TRIQK: variants seen among roughly 807,000 people sequenced by gnomAD.
TRIQK encodes the protein triple QxxK/R motif-containing protein.
In TRIQK, 10 loss-of-function variants were observed where a neutral mutation model predicts 10.8. The ratio of observed to expected loss-of-function variants is 0.92; its 90% CI spans 0.57 to 1.57. The LOEUF is 1.57. Ranked by LOEUF, TRIQK falls within the 40% of genes most tolerant of loss-of-function variation. The pLI, the probability that TRIQK is intolerant of heterozygous loss-of-function variation, is 0.00. For synonymous variants in TRIQK, 33 were observed against 33.7 expected (o/e 0.98, Z 0.07); for missense variants, 107 against 97.7 (o/e 1.09, Z -0.40).
intron 1 of TRIQK, among the ~76,000 whole-genome samples, chr8:92,962,596 C>A (rs1812515964): frequency 6.6e-6 from 1 of 152,122 alleles, no homozygotes. Flanking sequence ...GAGGTGTCAC[C>A]CAGAATGGAA....
chr8:92,995,061 G>A (rs1813139661), intron 1 of TRIQK, among the ~76,000 whole-genome samples: 1 of 151,922 alleles, frequency 6.6e-6, no homozygotes, highest in African/African-American at 2.4e-5. Context: ...TTTATGGAGG[G>A]ATCTGGTTTA....
intron 1 of TRIQK, among the ~76,000 whole-genome samples, chr8:92,962,894 G>A (rs1056492342): frequency 1.3e-5 from 2 of 152,190 alleles, no homozygotes; most frequent in African/African-American, 2.4e-5. Context: ...GAGAGTAGGA[G>A]TAAAAGGGGA....
intron 3 of TRIQK, among the ~76,000 whole-genome samples, chr8:92,901,168 A>G (rs1808915257): frequency 6.6e-6 from 1 of 152,092 alleles, no homozygotes; most frequent in East Asian, 1.9e-4. Context: ...TGTTTTTTCC[A>G]AATATAAGAC....
chr8:93,014,061 A>G (rs1813360741), intron 1 of TRIQK, among the ~76,000 whole-genome samples: 1 of 152,182 alleles, frequency 6.6e-6, no homozygotes, highest in African/African-American at 2.4e-5. Context: ...ACAGGCTACA[A>G]TTATACATAA....
intron 1 of TRIQK, chr8:92,973,778 C>A (rs963377759): frequency 1.3e-5 from 2 of 152,128 alleles, no homozygotes; most frequent in Non-Finnish European, 2.9e-5. Flanking sequence ...CAGTACATTC[C>A]GGTCTAGTAC....
intron 2 of TRIQK, among the ~76,000 whole-genome samples, chr8:92,925,238 C>G (rs1219941067): frequency 6.6e-6 from 1 of 151,972 alleles, no homozygotes; most frequent in Non-Finnish European, 1.5e-5. Context: ...TCATATCATA[C>G]ACAAAAATTA....
chr8:92,888,994 CTT>C (rs1816624616), intron 4 of TRIQK, among the ~76,000 whole-genome samples: 1 of 151,568 alleles, frequency 6.6e-6, no homozygotes, highest in Admixed American at 6.6e-5. Context: ...AAATAGCAAA[CTT>C]AGTTGTGCAA....
intron 1 of TRIQK, chr8:92,963,561 G>A (rs1200748396): frequency 1.3e-5 from 2 of 151,694 alleles, no homozygotes; most frequent in Admixed American, 6.6e-5. Flanking sequence ...AACGGACCTC[G>A]ATAGATGAGA....
chr8:92,949,846 GAGAAA>G (rs1811800682), intron 2 of TRIQK, among the ~76,000 whole-genome samples: 1 of 76,988 alleles, frequency 1.3e-5, no homozygotes, highest in African/African-American at 4.9e-5. Context: ...AAGAAAGGGA[GAGAAA>G]AGAAAAGAGA....
chr8:92,916,998 T>A lies in TRIQK; in HGVS notation c.-9A>T. The A allele has an allele frequency of 1.3e-6, 2 of 1,497,242 alleles. No homozygotes were observed. Among genetic ancestry groups the A allele is most frequent in the Non-Finnish European group, 1.8e-6 (2 of 1,130,078 alleles). 92.7% of individuals were successfully genotyped at this position (1,497,242 alleles called of 1,614,324 possible). On this transcript the variant is annotated 5_prime_UTR_variant, in exon 3 of 5. Transcript: ENST00000521988. ...GCATCTTTTCTACCCATCTTTGATC[T>A]CCAAAATGCCTGCTGAAAAGAAAAC...
At chr8:92,898,844 TA>T (rs1349811076) in intron 3 of TRIQK, among the ~76,000 whole-genome samples, 1 of 128,800 alleles carries the variant, frequency 7.8e-6, no homozygotes, top group African/African-American at 3.0e-5. Context: ...TATATATATA[TA>T]TATATATATA....
intron 1 of TRIQK, among the ~76,000 whole-genome samples, chr8:93,003,144 C>A (rs1045287382): frequency 6.6e-6 from 1 of 152,016 alleles, no homozygotes; most frequent in East Asian, 1.9e-4. Flanking sequence ...GTGGGTGTAT[C>A]CATCTGTTCT....
chr8:92,939,283 T>C (rs1276821051), intron 2 of TRIQK, among the ~76,000 whole-genome samples: 5 of 152,298 alleles, frequency 3.3e-5, no homozygotes, highest in South Asian at 4.1e-4. Context: ...TATGAAGACG[T>C]GCCATTCTGA....
chr8:92,973,502 T>C (rs574482583), intron 1 of TRIQK: 2 of 152,210 alleles, frequency 1.3e-5, no homozygotes, highest in Admixed American at 6.5e-5. Flanking sequence ...TACTTTTTTT[T>C]AAATTTTTTT....
At chr8:92,978,930 G>A (rs1812958083) in intron 1 of TRIQK, among the ~76,000 whole-genome samples, 1 of 152,030 alleles carries the variant, frequency 6.6e-6, no homozygotes, top group Non-Finnish European at 1.5e-5. Context: ...GCTACTAGTG[G>A]AAATACAGCT....
intron 1 of TRIQK, among the ~76,000 whole-genome samples, chr8:93,000,365 T>C (rs1283712335): frequency 1.3e-5 from 2 of 151,980 alleles, no homozygotes; most frequent in African/African-American, 2.4e-5. Context: ...TGGCAGAAGG[T>C]GAAGAAAGAT....
chr8:93,000,256 T>A (rs1813195289), intron 1 of TRIQK, among the ~76,000 whole-genome samples: 1 of 152,188 alleles, frequency 6.6e-6, no homozygotes, highest in Non-Finnish European at 1.5e-5. Context: ...AGTCCATTTT[T>A]ATACTGCTGT....
chr8:93,012,806 T>G (rs1813348676), intron 1 of TRIQK, among the ~76,000 whole-genome samples: 1 of 152,192 alleles, frequency 6.6e-6, no homozygotes, highest in South Asian at 2.1e-4. Context: ...AGTGGCTTTC[T>G]CAAAATGTAG....
At chr8:92,894,432 G>A (rs1454865948) in intron 3 of TRIQK, among the ~76,000 whole-genome samples, 1 of 150,882 alleles carries the variant, frequency 6.6e-6, no homozygotes, top group Non-Finnish European at 1.5e-5. Context: ...CCTGACTTCT[G>A]CGTACTTACA....
Sources: gnomAD v4.1 joint callset for allele counts (sites outside exome capture counted in the v4.1 genomes callset) on GRCh38, gnomAD v4.1.1 for gene constraint, MANE v1.5 for transcripts, NCBI Gene and HGNC (gene_info 2026-07-23, HGNC 2026-07-21) for gene names.